The following ITGB5 variants were observed in gnomAD, a reference collection of about 807,000 sequenced individuals.
ITGB5 encodes the protein integrin subunit beta 5, also known as integrin beta-5.
Under a neutral mutation model 84.8 loss-of-function variants are expected in ITGB5, and 38 were observed. The ratio of observed to expected loss-of-function variants is 0.45; its 90% CI spans 0.35 to 0.59. The LOEUF (loss-of-function observed/expected upper bound fraction) is 0.59. Among genes scored for constraint, ITGB5 ranks in the 20% least tolerant of loss-of-function variants. The pLI, the probability that ITGB5 is intolerant of heterozygous loss-of-function variation, is 0.01. For missense variants in ITGB5, 905 were observed against 1,034.5 expected (o/e 0.87, Z 1.72); for synonymous variants, 393 against 414.4 (o/e 0.95, Z 0.63).
chr3:124,814,683 T>C (rs1468758927), intron 8 of ITGB5, among the ~76,000 whole-genome samples: 2 of 152,050 alleles, frequency 1.3e-5, no homozygotes, highest in African/African-American at 4.8e-5. Flanking sequence ...TGGCCTCAAG[T>C]GATCCTCCCA....
At chr3:124,821,671 G>A (rs566697495) in intron 5 of ITGB5, among the ~76,000 whole-genome samples, 197 bp from the exon 6 acceptor site, 1 of 152,302 alleles carries the variant, frequency 6.6e-6, no homozygotes, top group African/African-American at 2.4e-5. Flanking sequence ...CTGGACTGGG[G>A]AAGCCCAGAT....
At chr3:124,890,200 CTTTTT>C (rs138123708), upstream of ITGB5, among the ~76,000 whole-genome samples, 5 of 93,202 alleles carry the variant, frequency 5.4e-5, no homozygotes, top group African/African-American at 4.6e-5. Flanking sequence ...ACTTATCTAG[CTTTTT>C]TTTTTTTTTT....
intron 10 of ITGB5, chr3:124,791,751 G>A (rs559262869): frequency 1.3e-5 from 2 of 152,342 alleles, no homozygotes; most frequent in East Asian, 3.9e-4. Flanking sequence ...TTCAAGAGCA[G>A]AGTGGTGGCT....
intron 8 of ITGB5, among the ~76,000 whole-genome samples, chr3:124,817,413 G>A (rs1242861131): frequency 6.6e-6 from 1 of 152,202 alleles, no homozygotes; most frequent in Non-Finnish European, 1.5e-5. Flanking sequence ...GATGGCAGAG[G>A]TGAGAGGGAG....
At chr3:124,770,346 C>T (rs1470022881) in intron 11 of ITGB5, among the ~76,000 whole-genome samples, 1 of 152,090 alleles carries the variant, frequency 6.6e-6, no homozygotes, top group Non-Finnish European at 1.5e-5. Context: ...GGGAGGCCAT[C>T]AGAGTGCAGG....
chr3:124,854,155 G>T (rs115886129), intron 3 of ITGB5, among the ~76,000 whole-genome samples: 1 of 152,130 alleles, frequency 6.6e-6, no homozygotes, highest in South Asian at 2.1e-4. Flanking sequence ...CCTGCTTGAA[G>T]CTTGGCAGTC....
chr3:124,834,089 T>A (rs974828861), intron 5 of ITGB5, among the ~76,000 whole-genome samples: 3 of 151,896 alleles, frequency 2.0e-5, no homozygotes, highest in African/African-American at 7.3e-5. Context: ...AATGGACAAG[T>A]GGAGCACAGG....
In ITGB5 at chr3:124,859,396, G is replaced by A. The variant is rs1559973058; in HGVS notation, c.207C>T (p.Asn69=). The change falls in exon 3 of 15, where the codon AAC becomes AAT. Residue 69 remains asparagine (N), a synonymous_variant. Transcript: ENST00000296181. ...CACCTCCACAGCCATTTTTGACAAG[G>A]TTTGCCCTCAGATCACACCGAGAGG... ...SITSRCDLRA[N]LVKNGCGGEI... is the part of the protein sequence containing the mutation. 1.2e-6 allele frequency: 2 copies of A among 1,614,112 alleles called. No individual in the cohort carries two copies. The highest frequency in any genetic ancestry group is 2.2e-5 in the South Asian group (2 of 91,066).
At chr3:124,826,481 TG>T (rs1351910258) in intron 5 of ITGB5, among the ~76,000 whole-genome samples, 2 of 152,214 alleles carry the variant, frequency 1.3e-5, no homozygotes, top group Non-Finnish European at 2.9e-5. Flanking sequence ...AAACATGTAT[TG>T]TGCACTTCCA....
At chr3:124,779,722 T>G (rs551717601) in intron 10 of ITGB5, among the ~76,000 whole-genome samples, 1 of 152,092 alleles carries the variant, frequency 6.6e-6, no homozygotes, top group African/African-American at 2.4e-5. Flanking sequence ...GCCTTGCGGG[T>G]AGGGTTGTTG....
chr3:124,778,978 T>G (rs534710918), intron 10 of ITGB5, among the ~76,000 whole-genome samples: 3 of 152,140 alleles, frequency 2.0e-5, no homozygotes, highest in African/African-American at 7.2e-5. Context: ...CTTGGGCAGG[T>G]CCCTAAACTT....
chr3:124,848,969 G>A (rs370600718), intron 3 of ITGB5, among the ~76,000 whole-genome samples: 3 of 151,826 alleles, frequency 2.0e-5, no homozygotes, highest in East Asian at 1.9e-4. Context: ...TAGTAGAGAC[G>A]GGGTTTCACT....
At position 124,841,485 on chromosome 3, in the gene ITGB5, T is replaced by G; in HGVS notation, c.678A>C (p.Arg226Ser). The G allele has an allele frequency of 6.2e-7, 1 of 1,614,210 alleles. No homozygotes were observed. The highest frequency in any genetic ancestry group is 1.1e-5 in the South Asian group (1 of 91,084). The change falls in exon 5 of 15, where the codon AGA becomes AGC. Residue 226 changes from arginine to serine, a missense_variant. Physicochemically the swap from Arg to Ser is moderately radical, Grantham distance 110 (BLOSUM62 -1). Around this residue, in one of 3 missense-constraint regions of ITGB5, gnomAD observed 656 missense variants for 734.7 expected, o/e 0.89. Coordinates refer to ENST00000296181, the MANE Select transcript of ITGB5 (RefSeq NM_002213.5). ...GAACTTCCTCATTGAAGCTGTCCAC[T>G]CTGTCTGTGAGAGGCAGCAGATGGC... ...GFRHLLPLTD[R>S]VDSFNEEVRK...
In ITGB5 at chr3:124,838,802, C is replaced by T. The variant is rs182457672; in HGVS notation, c.780+2581G>A. The stretch of plus-strand genomic sequence containing the variant: ...ATTTTTAGTAGAGACGGGGTTTCAC[C>T]GCGTTAGCCAGGATGGTCTCGATCT... On this transcript the variant is annotated intron_variant, in intron 5 of 14. Coordinates refer to ENST00000296181, the MANE Select transcript of ITGB5 (RefSeq NM_002213.5). Among the ~76,000 whole-genome samples the T allele has an allele frequency of 5.4e-3, 823 of 152,246 alleles. 3 individuals carry two copies. The highest frequency in any genetic ancestry group is 0.019 in the African/African-American group (799 of 41,528).
At position 124,809,032 on chromosome 3, in the gene ITGB5, A is replaced by G. The variant is rs369922990; in HGVS notation, c.1253T>C (p.Ile418Thr). The G allele has an allele frequency of 2.8e-5, 45 of 1,614,054 alleles. 1 individual carries two copies. The highest frequency in any genetic ancestry group is 1.3e-4 in the East Asian group (6 of 44,878). ...TGGGGTGAGACTTACCGTGTCCCCAATCTTCAGACCCTCACACTTCCTCTG... is the reference window on the plus strand; with the variant it reads ...TGGGGTGAGACTTACCGTGTCCCCAGTCTTCAGACCCTCACACTTCCTCTG... The part of the protein sequence containing the change: ...PGQRKCEGLK[I>T]GDTASFEVSL... Residue 418 changes from isoleucine to threonine, a missense_variant, in exon 9 of 15, where the codon ATT (isoleucine) becomes ACT (threonine). Physicochemically the swap from Ile to Thr is moderately conservative, Grantham distance 89. This residue lies in a region of ITGB5 where 656 missense variants were observed against 734.7 expected (regional missense o/e 0.89). Transcript: ENST00000296181.
intron 5 of ITGB5, 23 bp from the exon 6 acceptor site, chr3:124,821,497 G>C (rs2064703822): frequency 3.1e-6 from 5 of 1,612,772 alleles, no homozygotes; most frequent in Middle Eastern, 1.7e-4. Context: ...AGGTGGATGG[G>C]TACACCAGTC....
chr3:124,882,667 T>C (rs116189907), intron 1 of ITGB5, among the ~76,000 whole-genome samples: 1,964 of 152,310 alleles, frequency 0.013, 58 homozygotes, highest in African/African-American at 0.043. Flanking sequence ...AGCAGAGAGA[T>C]ATGATCTGAC....
At chr3:124,861,264 C>A (rs912196122) in intron 2 of ITGB5, among the ~76,000 whole-genome samples, 3 of 151,840 alleles carry the variant, frequency 2.0e-5, no homozygotes, top group Admixed American at 2.0e-4. Flanking sequence ...TCCAGGACTA[C>A]ATCAAAGGTA....
chr3:124,891,543 C>A (rs1162038574), upstream of ITGB5, among the ~76,000 whole-genome samples: 1 of 146,200 alleles, frequency 6.8e-6, no homozygotes, highest in Non-Finnish European at 1.5e-5. Flanking sequence ...AAGTTGGAGC[C>A]CTGTAGCTGG....
Sources: allele counts gnomAD v4.1 joint callset (sites outside exome capture counted in the v4.1 genomes callset), GRCh38; gene constraint gnomAD v4.1.1; regional missense constraint gnomAD v4.1.1; transcripts MANE v1.5; gene names NCBI Gene and HGNC (gene_info 2026-07-23, HGNC 2026-07-21).